ABCA13: variants seen among roughly 807,000 people sequenced by gnomAD.
ABCA13 encodes ATP-binding cassette sub-family A member 13.
A neutral mutation model predicts 478.7 loss-of-function variants in ABCA13; 476 were observed. The ratio of observed to expected loss-of-function variants is 0.99; its 90% CI spans 0.92 to 1.07. ABCA13 has a LOEUF of 1.07. Among genes scored for constraint, ABCA13 ranks in the 50% least tolerant of loss-of-function variants. The pLI, the probability that ABCA13 is intolerant of heterozygous loss-of-function variation, is 0.00. For missense variants in ABCA13, 6,060 were observed against 5,910.6 expected, an observed-to-expected ratio of 1.03 and a Z score of -0.83; for synonymous variants, 2,252 against 2,158.9, an observed-to-expected ratio of 1.04 and a Z score of -1.20.
Position 48,275,105 on chromosome 7 carries a change from A to T in ABCA13, c.5439A>T (p.Ser1813=), listed in dbSNP as rs199850456. 4.4e-5 allele frequency: 71 copies of T among 1,613,346 alleles called. No individual in the cohort carries two copies. Among genetic ancestry groups the T allele is most frequent in the Non-Finnish European group, 5.9e-6 (7 of 1,179,650 alleles). ...ELVSDKPDII[S]EALACFPVVW... ...TATCAGATAAGCCAGATATTATTTC[A>T]GAGGCTTTAGCTTGTTTTCCTGTGG... The change falls in exon 17 of 62, where the codon TCA becomes TCT. Residue 1813 remains serine (S), a synonymous_variant. Coordinates refer to ENST00000435803, the MANE Select transcript of ABCA13 (RefSeq NM_152701.5).
At chr7:48,343,204 G>T (rs1807516663) in intron 29 of ABCA13, among the ~76,000 whole-genome samples, 2 of 151,900 alleles carry the variant, frequency 1.3e-5, no homozygotes, top group Non-Finnish European at 1.5e-5. Flanking sequence ...ATAAATTTGA[G>T]TCTCCTGATA....
intron 26 of ABCA13, 128 bp downstream of exon 26, chr7:48,314,537 C>CA: frequency 2.3e-6 from 2 of 865,404 alleles, no homozygotes; most frequent in South Asian, 2.1e-5. Context: ...CTTCTGCTTC[C>CA]ACCTCCCCAA....
At chr7:48,222,230 G>T (rs1787474517) in intron 5 of ABCA13, among the ~76,000 whole-genome samples, 1 of 152,028 alleles carries the variant, frequency 6.6e-6, no homozygotes, top group African/African-American at 2.4e-5. Context: ...AGGAAAATAT[G>T]GGACACACAC....
intron 31 of ABCA13, among the ~76,000 whole-genome samples, chr7:48,362,651 T>G (rs919478121): frequency 6.6e-5 from 10 of 151,688 alleles, no homozygotes; most frequent in Non-Finnish European, 1.2e-4. Flanking sequence ...AAGCTAATAT[T>G]TAATAATGTT....
At chr7:48,268,680 T>C (rs1795191623) in intron 15 of ABCA13, among the ~76,000 whole-genome samples, 1 of 152,072 alleles carries the variant, frequency 6.6e-6, no homozygotes, top group Non-Finnish European at 1.5e-5. Context: ...CAGTCTCTCC[T>C]TCCTGTGCCA....
chr7:48,471,670 T>C (rs1024340657), intron 45 of ABCA13, 71 bp downstream of exon 45: 22 of 1,367,612 alleles, frequency 1.6e-5, no homozygotes, highest in Admixed American at 2.6e-5. Context: ...TTACCCTATC[T>C]ATAAAATTTT....
intron 3 of ABCA13, among the ~76,000 whole-genome samples, chr7:48,216,365 G>A (rs1257248940): frequency 1.3e-5 from 2 of 152,100 alleles, no homozygotes; most frequent in African/African-American, 2.4e-5. Context: ...ATCTTTTTAT[G>A]TAGTTTTTGG....
intron 38 of ABCA13, among the ~76,000 whole-genome samples, chr7:48,394,808 G>C (rs1374413980): frequency 6.6e-6 from 1 of 152,134 alleles, no homozygotes; most frequent in East Asian, 1.9e-4. Context: ...AGTATATACT[G>C]CACCATATTT....
chr7:48,275,438 A>G lies in ABCA13; in HGVS notation c.5772A>G (p.Ile1924Met). The G allele has an allele frequency of 6.2e-7, 1 of 1,613,958 alleles. No homozygotes were observed. Among genetic ancestry groups the G allele is most frequent in the Non-Finnish European group, 8.5e-7 (1 of 1,179,876 alleles). ...CTGTGCAGAAATTTTGGCATAAGATATTACCGTTTGTCCCACCTTCAATAA... is the reference window on the plus strand; with the variant it reads ...CTGTGCAGAAATTTTGGCATAAGATGTTACCGTTTGTCCCACCTTCAATAA... ...VKTVQKFWHKILPFVPPSINQ... is the reference protein window; with the variant it reads ...VKTVQKFWHKMLPFVPPSINQ... Residue 1924 changes from isoleucine (I) to methionine (M), a missense_variant, in exon 17 of 62, where the codon ATA becomes ATG. By Grantham distance (10) the Ile-to-Met change is conservative. Transcript: ENST00000435803.
At chr7:48,563,901 G>C (rs13245197) in intron 55 of ABCA13, among the ~76,000 whole-genome samples, 69,815 of 151,368 alleles carry the variant, frequency 0.46, 18,922 homozygotes, top group African/African-American at 0.76. Context: ...TTTAGCTTCT[G>C]TGGTTTCCTC....
intron 23 of ABCA13, among the ~76,000 whole-genome samples, chr7:48,306,423 G>A (rs1800910921): frequency 6.6e-6 from 1 of 152,164 alleles, no homozygotes; most frequent in South Asian, 2.1e-4. Context: ...GAAAAGCCAG[G>A]GTGATTCCCC....
Position 48,239,347 on chromosome 7 carries a change from G to T in ABCA13, c.1004G>T (p.Trp335Leu). The change falls in exon 9 of 62, where the codon TGG (tryptophan) becomes TTG (leucine). Residue 335 changes from tryptophan (W) to leucine (L), a missense_variant. Trp to Leu is a moderately conservative substitution (Grantham distance 61, BLOSUM62 -2). Transcript: ENST00000435803. Reference sequence around the variant, plus strand: ...CACGTTGGAGGCTGCCACCCTAAGTGGTCAGAAGCCAAAAACTATCTTGTC... The same window carrying T: ...CACGTTGGAGGCTGCCACCCTAAGTTGTCAGAAGCCAAAAACTATCTTGTC... ...WGHVGGCHPKWSEAKNYLVHA... is the reference protein window; with the variant it reads ...WGHVGGCHPKLSEAKNYLVHA... 1 of 1,613,870 alleles carries T rather than the reference G, an allele frequency of 6.2e-7. No homozygotes were observed. Among genetic ancestry groups the T allele is most frequent in the Non-Finnish European group, 8.5e-7 (1 of 1,179,824 alleles).
chr7:48,388,203 C>T (rs1291058349), intron 36 of ABCA13, among the ~76,000 whole-genome samples: 1 of 152,088 alleles, frequency 6.6e-6, no homozygotes, highest in African/African-American at 2.4e-5. Flanking sequence ...TATTTAGCGT[C>T]CTCCCCTCTG....
chr7:48,408,615 C>T (rs1428726667), intron 39 of ABCA13, among the ~76,000 whole-genome samples: 1 of 151,882 alleles, frequency 6.6e-6, no homozygotes, highest in Admixed American at 6.6e-5. Flanking sequence ...AAGGTGTCTC[C>T]TCTATTATTG....
At chr7:48,224,479 G>A (rs1787864104) in intron 5 of ABCA13, among the ~76,000 whole-genome samples, 1 of 152,162 alleles carries the variant, frequency 6.6e-6, no homozygotes, top group Admixed American at 6.5e-5. Flanking sequence ...CTTGATGGCT[G>A]CATTGACTTT....
rs372636499 is a variant in ABCA13 at position 48,346,402 on chromosome 7, A to G, written c.10205-4241A>G. ...AACCACGCTTGCTAGGCAAGCTTAT[A>G]GTGCAGCCTATTCCAAATAACAAAT... On this transcript the variant is annotated intron_variant, in intron 29 of 61. Transcript: ENST00000435803. Among the ~76,000 whole-genome samples, 145 of 152,240 alleles carry G rather than the reference A, an allele frequency of 9.5e-4. 1 individual carries two copies. The highest frequency in any genetic ancestry group is 3.3e-3 in the African/African-American group (137 of 41,544).
chr7:48,520,870 A>G (rs895229493), intron 53 of ABCA13, among the ~76,000 whole-genome samples: 4 of 152,190 alleles, frequency 2.6e-5, no homozygotes, highest in African/African-American at 9.7e-5. Context: ...ATACCATAAC[A>G]TTATTTTTAC....
intron 3 of ABCA13, among the ~76,000 whole-genome samples, chr7:48,203,258 A>G (rs9768567): frequency 0.21 from 31,973 of 152,056 alleles, 3,975 homozygotes; most frequent in East Asian, 0.33. Context: ...GCTGGCCCGC[A>G]AGCGCCGCAC....
At chr7:48,541,732 A>G (rs1833954484) in intron 55 of ABCA13, among the ~76,000 whole-genome samples, 2 of 146,016 alleles carry the variant, frequency 1.4e-5, no homozygotes. Flanking sequence ...ATATATACAT[A>G]TAAAATATCA....
Sources: gnomAD v4.1 joint callset for allele counts (sites outside exome capture counted in the v4.1 genomes callset) on GRCh38, gnomAD v4.1.1 for gene constraint, MANE v1.5 for transcripts, NCBI Gene and HGNC (gene_info 2026-07-23, HGNC 2026-07-21) for gene names.